The following RALYL variants were observed in gnomAD, a reference collection of about 807,000 sequenced individuals.
RALYL encodes RALY RNA binding protein like.
Under a neutral mutation model 35.1 loss-of-function variants are expected in RALYL, and 29 were observed. That is an observed-to-expected ratio of 0.83 (90% CI 0.61 to 1.13). The LOEUF (loss-of-function observed/expected upper bound fraction) is 1.13, where lower values mean the gene tolerates loss of function less well. RALYL is among the 50% of genes most tolerant of loss of function. RALYL has a pLI of 0.00. For synonymous variants in RALYL, 120 were observed against 127.6 expected, an observed-to-expected ratio of 0.94 and a Z score of 0.40; for missense variants, 359 against 360.4, an observed-to-expected ratio of 1.00 and a Z score of 0.03.
rs112811800 is a variant in RALYL, at chr8:84,338,163, T to TA, written c.-24+153749dup. On this transcript the variant is annotated intron_variant, in intron 1 of 8. Transcript: ENST00000521268. Reference sequence around the variant, plus strand: ...TGAGATACCTTACATTCCTCCATCTTAAAAAAAAAACTTTATTTATAATAA... The same window carrying TA: ...TGAGATACCTTACATTCCTCCATCTTAAAAAAAAAAACTTTATTTATAATAA... 5.0e-4 allele frequency among the ~76,000 whole-genome samples: 74 copies of TA among 148,522 alleles called. 1 individual carries two copies. The highest frequency in any genetic ancestry group is 2.8e-3 in the South Asian group (13 of 4,688).
intron 1 of RALYL, among the ~76,000 whole-genome samples, chr8:84,401,155 C>T (rs117461339): frequency 6.6e-6 from 1 of 152,184 alleles, no homozygotes; most frequent in Non-Finnish European, 1.5e-5. Flanking sequence ...TTCAGCAGCT[C>T]AACAGTCAGT....
chr8:84,466,615 G>C (rs201121943), intron 1 of RALYL, among the ~76,000 whole-genome samples: 50,739 of 148,984 alleles, frequency 0.34, 8,865 homozygotes, highest in South Asian at 0.51. Flanking sequence ...TTTTTTTGTT[G>C]TGTCTCTGCC....
intron 2 of RALYL, among the ~76,000 whole-genome samples, chr8:84,742,962 C>T (rs536669462): frequency 1.3e-5 from 2 of 152,104 alleles, no homozygotes; most frequent in South Asian, 2.1e-4. Context: ...CCTTGAATAA[C>T]ATTAAGCATG....
chr8:84,456,623 A>G (rs1195267844), intron 1 of RALYL, among the ~76,000 whole-genome samples: 1 of 152,014 alleles, frequency 6.6e-6, no homozygotes, highest in Non-Finnish European at 1.5e-5. Flanking sequence ...TCATTAATTC[A>G]ACAGATAATC....
chr8:84,240,172 T>G (rs1353524256), intron 1 of RALYL, among the ~76,000 whole-genome samples: 1 of 152,172 alleles, frequency 6.6e-6, no homozygotes, highest in African/African-American at 2.4e-5. Flanking sequence ...AAATGAGTAA[T>G]AAAAACTTCC....
At chr8:84,570,253 A>G (rs1255667553) in intron 2 of RALYL, among the ~76,000 whole-genome samples, 1 of 151,532 alleles carries the variant, frequency 6.6e-6, no homozygotes. Flanking sequence ...GTCATCTATG[A>G]TTTCTTTCAT....
chr8:84,857,447 G>A (rs1426955131), intron 5 of RALYL, among the ~76,000 whole-genome samples: 1 of 152,216 alleles, frequency 6.6e-6, no homozygotes, highest in Non-Finnish European at 1.5e-5. Context: ...ACCAGAAAAT[G>A]TTTGAAGTTA....
At chr8:84,202,097 GAAT>G (rs1816977952) in intron 1 of RALYL, among the ~76,000 whole-genome samples, 1 of 150,944 alleles carries the variant, frequency 6.6e-6, no homozygotes, top group South Asian at 2.1e-4. Flanking sequence ...TTGCTATTTT[GAAT>G]AATGAGTATT....
chr8:84,522,537 C>A (rs1190753707), intron 1 of RALYL, among the ~76,000 whole-genome samples: 1 of 152,150 alleles, frequency 6.6e-6, no homozygotes, highest in Admixed American at 6.5e-5. Flanking sequence ...GCGTGAGCCA[C>A]CGCGCCCGGC....
intron 1 of RALYL, among the ~76,000 whole-genome samples, chr8:84,384,695 C>A (rs1858793444): frequency 6.6e-6 from 1 of 151,722 alleles, no homozygotes; most frequent in Admixed American, 6.6e-5. Flanking sequence ...TTTTCTTACT[C>A]TGTGAATTCA....
intron 1 of RALYL, among the ~76,000 whole-genome samples, chr8:84,425,456 C>G (rs1396368130): frequency 6.6e-6 from 1 of 152,180 alleles, no homozygotes; most frequent in African/African-American, 2.4e-5. Flanking sequence ...GTCTGGCACT[C>G]CCTAGTGAGA....
chr8:84,755,866 C>T (rs932103734), intron 2 of RALYL, among the ~76,000 whole-genome samples: 2 of 137,980 alleles, frequency 1.4e-5, no homozygotes, highest in Non-Finnish European at 3.1e-5. Context: ...CAAAATGTGG[C>T]ATATTGTAAA....
At chr8:84,366,337 A>C (rs1854266551) in intron 1 of RALYL, among the ~76,000 whole-genome samples, 1 of 152,224 alleles carries the variant, frequency 6.6e-6, no homozygotes, top group South Asian at 2.1e-4. Context: ...AAGATTGAGA[A>C]ATGGATAAGA....
chr8:84,708,072 T>C (rs1048469301), intron 2 of RALYL, among the ~76,000 whole-genome samples: 2 of 152,114 alleles, frequency 1.3e-5, no homozygotes, highest in African/African-American at 2.4e-5. Context: ...AATGAGATAG[T>C]ACATAAATCA....
At chr8:84,719,869 C>A (rs1244720686) in intron 2 of RALYL, among the ~76,000 whole-genome samples, 2 of 152,096 alleles carry the variant, frequency 1.3e-5, no homozygotes, top group Non-Finnish European at 2.9e-5. Flanking sequence ...CTTACTCCTC[C>A]TGTCTAACTG....
At chr8:84,626,123 A>T in intron 2 of RALYL, among the ~76,000 whole-genome samples, 1 of 152,332 alleles carries the variant, frequency 6.6e-6, no homozygotes, top group South Asian at 2.1e-4. Context: ...GATATAATAA[A>T]AATGAGATAA....
At chr8:84,446,942 A>G (rs1378299460) in intron 1 of RALYL, among the ~76,000 whole-genome samples, 1 of 152,112 alleles carries the variant, frequency 6.6e-6, no homozygotes, top group Non-Finnish European at 1.5e-5. Context: ...AATATTTTTT[A>G]TTTCTATAAT....
intron 4 of RALYL, among the ~76,000 whole-genome samples, chr8:84,816,032 C>CAAAAA: frequency 1.2e-5 from 1 of 84,180 alleles, no homozygotes; most frequent in Non-Finnish European, 2.3e-5. Flanking sequence ...GACTCTGTCT[C>CAAAAA]AAAAAAAAAA....
intron 3 of RALYL, among the ~76,000 whole-genome samples, chr8:84,785,612 G>A (rs1223953644): frequency 1.3e-5 from 2 of 152,000 alleles, no homozygotes; most frequent in African/African-American, 2.4e-5. Context: ...TATCTAAGGA[G>A]ATAATTTTAA....
Sources: gnomAD v4.1 joint callset for allele counts (sites outside exome capture counted in the v4.1 genomes callset) on GRCh38, gnomAD v4.1.1 for gene constraint, MANE v1.5 for transcripts, NCBI Gene and HGNC (gene_info 2026-07-23, HGNC 2026-07-21) for gene names.